Variants in NOS1 observed in about 807,000 individuals in gnomAD.
NOS1 encodes NOS type I.
A neutral mutation model predicts 164.5 loss-of-function variants in NOS1; 51 were observed. The ratio of observed to expected loss-of-function variants is 0.31; its 90% CI spans 0.25 to 0.39. The LOEUF (loss-of-function observed/expected upper bound fraction) is 0.39, where lower values mean the gene tolerates loss of function less well. Among genes scored for constraint, NOS1 ranks in the 10% least tolerant of loss-of-function variants. The pLI, the probability that NOS1 is intolerant of heterozygous loss-of-function variation, is 1.00. For missense variants in NOS1, 1,362 were observed against 1,885.6 expected (o/e 0.72, Z 5.14); for synonymous variants, 719 against 745.8 (o/e 0.96, Z 0.59).
chr12:117,208,556 A>G lies in NOS1; in HGVS notation c.*6753T>C. On this transcript the variant is annotated 3_prime_UTR_variant, in exon 29 of 29. Transcript: ENST00000317775. ...TGAGCCAGGAGTGTGAGTCTTAACA[A>G]TCACAACGAGAACACAACAATGAAA... is the stretch of plus-strand genomic sequence containing the variant. The G allele has an allele frequency of 8.3e-7, 1 of 1,207,050 alleles. No homozygotes were observed. The highest frequency in any genetic ancestry group is 1.1e-6 in the Non-Finnish European group (1 of 946,654). The allele number at this position is 1,207,050 out of a possible 1,614,324, so 74.8% of individuals were successfully genotyped here.
At chr12:117,293,631 GTAT>G (rs1453232579) in intron 3 of NOS1, among the ~76,000 whole-genome samples, 1 of 151,676 alleles carries the variant, frequency 6.6e-6, no homozygotes, top group East Asian at 1.9e-4. Flanking sequence ...ACTTCTGCAA[GTAT>G]TATTACTTGT....
intron 11 of NOS1, among the ~76,000 whole-genome samples, chr12:117,267,828 G>A (rs985007685): frequency 1.4e-4 from 22 of 152,046 alleles, no homozygotes; most frequent in African/African-American, 5.1e-4. Context: ...CTCTACCCCT[G>A]CCACCATTTG....
intron 17 of NOS1, 124 bp from the exon 18 acceptor site, chr12:117,247,646 T>G: frequency 1.2e-6 from 1 of 836,190 alleles, no homozygotes; most frequent in Non-Finnish European, 1.8e-6. Flanking sequence ...CTCCTCACAA[T>G]TGTATTTTGA....
At chr12:117,250,329 T>TA (rs1162040860) in intron 17 of NOS1, among the ~76,000 whole-genome samples, 1 of 137,310 alleles carries the variant, frequency 7.3e-6, no homozygotes, top group Non-Finnish European at 1.5e-5. Context: ...GCCATTTACT[T>TA]TTTTTTTTTT....
At position 117,212,313 on chromosome 12, in the gene NOS1, T is replaced by C. The variant is rs1956541896; in HGVS notation, c.*2996A>G. The C allele has an allele frequency of 1.0e-6, 1 of 985,296 alleles. No individual in the cohort carries two copies. The highest frequency in any genetic ancestry group is 4.7e-5 in the South Asian group (1 of 21,286). The allele number at this position is 985,296 out of a possible 1,614,324, so 61.0% of individuals were successfully genotyped here. A position where few individuals can be genotyped will look rare whatever the true frequency, so the allele number is the denominator to read the frequency against. On this transcript the variant is annotated 3_prime_UTR_variant, in exon 29 of 29. Transcript: ENST00000317775. ...AGGTCAAGTGAGCCGCCCACAGCCA[T>C]CTGCACCAACAGGGGCAGAATTAGG...
chr12:117,297,934 T>C (rs932320774), intron 3 of NOS1, among the ~76,000 whole-genome samples: 3 of 152,048 alleles, frequency 2.0e-5, no homozygotes, highest in Non-Finnish European at 4.4e-5. Context: ...ATACAACATC[T>C]TAGGAGCTAT....
rs190964282 is a variant in NOS1, at chr12:117,296,447, A to G, written c.853-6021T>C. Among the ~76,000 whole-genome samples, 235 of 152,286 alleles carry G rather than the reference A, an allele frequency of 1.5e-3. 1 individual carries two copies. The highest frequency in any genetic ancestry group is 2.9e-3 in the Non-Finnish European group (198 of 68,024). ...AGCTGCCAGTGCAGCCAGAAGAATA[A>G]AAGCACCAGAAGAACATAAAAAGAC... On this transcript the variant is annotated intron_variant, in intron 3 of 28. Coordinates refer to ENST00000317775, the MANE Select transcript of NOS1 (RefSeq NM_000620.5).
intron 7 of NOS1, among the ~76,000 whole-genome samples, chr12:117,284,065 T>C (rs963601013): frequency 8.5e-5 from 13 of 152,142 alleles, no homozygotes; most frequent in African/African-American, 2.4e-4. Flanking sequence ...GTTTTCTTAC[T>C]GGTGGACTCA....
intron 16 of NOS1, among the ~76,000 whole-genome samples, chr12:117,257,966 G>A (rs9658435): frequency 6.6e-6 from 1 of 151,550 alleles, no homozygotes; most frequent in Non-Finnish European, 1.5e-5. Flanking sequence ...CACCACGCCC[G>A]CCTAATTTTT....
Position 117,243,069 on chromosome 12 carries a change from G to C in NOS1, c.2962+228C>G, listed in dbSNP as rs1045918345. ...ATATAGTTGAGTTAAGTTGAGAAGA[G>C]GATGGTTTGGAAGAACACAGTACAT... On this transcript the variant is annotated intron_variant, in intron 19 of 28. Coordinates refer to ENST00000317775, the MANE Select transcript of NOS1 (RefSeq NM_000620.5). This position sits in a 1 kb window ranked among gnomAD's most constrained non-coding sequence, Gnocchi z 4.3. Among the ~76,000 whole-genome samples the C allele has an allele frequency of 1.3e-5, 2 of 152,254 alleles. No individual in the cohort carries two copies. The highest frequency in any genetic ancestry group is 2.9e-5 in the Non-Finnish European group (2 of 68,012).
intron 8 of NOS1, 141 bp from the exon 9 acceptor site, chr12:117,278,239 C>T: frequency 2.2e-6 from 2 of 910,136 alleles, no homozygotes; most frequent in East Asian, 2.9e-5. Flanking sequence ...TCTTGGACCA[C>T]ATCACCTGCT....
At position 117,330,636 on chromosome 12, in the gene NOS1, T is replaced by C; in HGVS notation, c.434A>G (p.Gln145Arg). The change falls in exon 2 of 29, where the codon CAG becomes CGG. Residue 145 changes from glutamine (Q) to arginine (R), a missense_variant. Coordinates refer to ENST00000317775, the MANE Select transcript of NOS1 (RefSeq NM_000620.5). This position sits in a 1 kb window ranked among gnomAD's most constrained non-coding sequence, Gnocchi z 4.6. Reference protein sequence around the residue: ...LSHQPPAGKEQPLAVDGASGP... With the variant: ...LSHQPPAGKERPLAVDGASGP... ...CGAGGCCCCATCCACTGCCAGGGGC[T>C]GTTCTTTGCCGGCCGGTGGCTGGTG... is the stretch of plus-strand genomic sequence containing the variant. 6.2e-7 allele frequency: 1 copy of C among 1,611,826 alleles called. No homozygotes were observed. Among genetic ancestry groups the C allele is most frequent in the Non-Finnish European group, 8.5e-7 (1 of 1,178,400 alleles).
Position 117,265,304 on chromosome 12 carries a change from A to G in NOS1, c.2136+12T>C, listed in dbSNP as rs1202757112. 1.3e-6 allele frequency: 2 copies of G among 1,524,992 alleles called. No individual in the cohort carries two copies. Among genetic ancestry groups the G allele is most frequent in the East Asian group, 2.3e-5 (1 of 42,836 alleles). The allele number at this position is 1,524,992 out of a possible 1,614,324, so 94.5% of individuals were successfully genotyped here. A position where few individuals can be genotyped will look rare whatever the true frequency, so the allele number is the denominator to read the frequency against. On this transcript the variant is annotated intron_variant, in intron 12 of 28. Transcript: ENST00000317775. Reference sequence around the variant, plus strand: ...ACACTTAATATGAAAAGAGGCAGGGACAGGGAAGGACCTGGTATTCGAAGG... The same window carrying G: ...ACACTTAATATGAAAAGAGGCAGGGGCAGGGAAGGACCTGGTATTCGAAGG...
chr12:117,234,369 A>G lies in NOS1; in HGVS notation c.3235+196T>C, dbSNP rs1193918281. On this transcript the variant is annotated intron_variant, in intron 21 of 28. Transcript: ENST00000317775. The surrounding 1 kb of genome is among the most constrained non-coding windows in gnomAD (Gnocchi z 4.3). ...CCATCAATGGCCTGGCACTATGTGC[A>G]TTTATTTGCTCAGCTGGTTGGGCCA... is the stretch of plus-strand genomic sequence containing the variant. Among the ~76,000 whole-genome samples, 1 of 152,164 alleles carries G rather than the reference A, an allele frequency of 6.6e-6. No homozygotes were observed. Among genetic ancestry groups the G allele is most frequent in the Non-Finnish European group, 1.5e-5 (1 of 68,020 alleles).
intron 10 of NOS1, among the ~76,000 whole-genome samples, chr12:117,268,533 A>G (rs1039104141): frequency 6.7e-6 from 1 of 149,186 alleles, no homozygotes; most frequent in African/African-American, 2.5e-5. Context: ...TGCCTGGCCA[A>G]GAATTTCTTA....
intron 13 of NOS1, 76 bp from the exon 14 acceptor site, chr12:117,260,685 C>T: frequency 6.7e-7 from 1 of 1,494,032 alleles, no homozygotes; most frequent in Non-Finnish European, 9.2e-7. Flanking sequence ...GACTTTCGTG[C>T]AAGAACCAGG....
chr12:117,264,149 G>A (rs1210418165), intron 12 of NOS1, among the ~76,000 whole-genome samples, 175 bp from the exon 13 acceptor site: 1 of 151,622 alleles, frequency 6.6e-6, no homozygotes, highest in Non-Finnish European at 1.5e-5. Flanking sequence ...TGGGGGGAGG[G>A]GGGGGGTCCT....
intron 1 of NOS1, among the ~76,000 whole-genome samples, chr12:117,358,489 T>C (rs1026365268): frequency 1.3e-5 from 2 of 152,228 alleles, no homozygotes; most frequent in Non-Finnish European, 2.9e-5. Context: ...AATGGCTCCA[T>C]GGGACACTCT....
chr12:117,346,938 G>A (rs955850600), intron 1 of NOS1, among the ~76,000 whole-genome samples: 1 of 152,126 alleles, frequency 6.6e-6, no homozygotes, highest in African/African-American at 2.4e-5. Context: ...AATGAATTGC[G>A]TTTGGTTAAT....
Sources: allele counts gnomAD v4.1 joint callset (sites outside exome capture counted in the v4.1 genomes callset), GRCh38; gene constraint gnomAD v4.1.1; non-coding constraint Gnocchi (gnomAD v3.1); transcripts MANE v1.5; gene names NCBI Gene and HGNC (gene_info 2026-07-23, HGNC 2026-07-21).